The following MOSMO variants were observed in gnomAD, a reference collection of about 807,000 sequenced individuals.
The protein encoded by MOSMO is modulator of smoothened protein.
Under a neutral mutation model 18.4 loss-of-function variants are expected in MOSMO, and 5 were observed. The observed-to-expected ratio is 0.27, with a 90% CI of 0.14 to 0.57. MOSMO has a LOEUF of 0.57. Ranked by LOEUF, MOSMO falls within the 20% of genes least tolerant of loss-of-function variation. The probability of loss-of-function intolerance (pLI) is 0.92; values close to 1 mark genes in which losing one functional copy is unlikely to be tolerated. For synonymous variants in MOSMO, 82 were observed against 82.3 expected (o/e 1.00, Z 0.02); for missense variants, 138 against 211.8 (o/e 0.65, Z 2.16).
intron 1 of MOSMO, among the ~76,000 whole-genome samples, chr16:22,042,861 G>A (rs1203329260): frequency 2.6e-5 from 4 of 152,176 alleles, no homozygotes; most frequent in Admixed American, 6.5e-5. Flanking sequence ...GATAGATAAC[G>A]GAATCTCCCC....
chr16:22,056,246 CTT>C (rs1900530552), intron 1 of MOSMO, among the ~76,000 whole-genome samples: 1 of 151,788 alleles, frequency 6.6e-6, no homozygotes, highest in African/African-American at 2.4e-5. Flanking sequence ...ACAAATATAA[CTT>C]ATATTCTAGG....
At chr16:22,054,988 T>A (rs1900503796) in intron 1 of MOSMO, among the ~76,000 whole-genome samples, 1 of 152,062 alleles carries the variant, frequency 6.6e-6, no homozygotes. Flanking sequence ...TTACATTTAT[T>A]ATGTCTGGTA....
At position 22,045,180 on chromosome 16, in the gene MOSMO, G is replaced by T. The variant is rs117808808; in HGVS notation, c.107-30307G>T. Among the ~76,000 whole-genome samples, 143 of 148,142 alleles carry T rather than the reference G, an allele frequency of 9.7e-4. 1 individual carries two copies. In the East Asian group the frequency reaches 0.022, roughly 22 times the overall value. ...AGCCTGGGCAATAGAACCAGACATT[G>T]TCTCAAAAAAAAAAAAAAGGCAATA... On this transcript the variant is annotated intron_variant, in intron 1 of 2. Transcript: ENST00000542527.
At chr16:22,027,699 A>G (rs986208588) in intron 1 of MOSMO, among the ~76,000 whole-genome samples, 3 of 152,204 alleles carry the variant, frequency 2.0e-5, no homozygotes, top group Admixed American at 1.3e-4. Context: ...TTAGGACAAA[A>G]ATAGATTTTT....
intron 1 of MOSMO, among the ~76,000 whole-genome samples, chr16:22,041,027 G>C (rs917789367): frequency 1.3e-5 from 2 of 152,184 alleles, no homozygotes; most frequent in African/African-American, 4.8e-5. Context: ...AGGAAGGGAA[G>C]AGATAGCTAC....
intron 1 of MOSMO, among the ~76,000 whole-genome samples, chr16:22,027,770 C>T (rs1257289785): frequency 6.6e-6 from 1 of 152,146 alleles, no homozygotes; most frequent in Non-Finnish European, 1.5e-5. Context: ...TAAACACCTA[C>T]TCTACTTGTG....
chr16:22,084,731 C>T (rs1901140150), downstream of MOSMO: 1 of 152,162 alleles, frequency 6.6e-6, no homozygotes, highest in African/African-American at 2.4e-5. Context: ...ACAAGTGCCA[C>T]TTCCATGCCT....
chr16:22,038,706 T>C (rs865992455), intron 1 of MOSMO, among the ~76,000 whole-genome samples: 6 of 152,182 alleles, frequency 3.9e-5, no homozygotes, highest in African/African-American at 9.7e-5. Flanking sequence ...GAAAAGCTAC[T>C]GTACAGAATA....
intron 2 of MOSMO, among the ~76,000 whole-genome samples, chr16:22,080,411 A>G (rs1901055979): frequency 6.6e-6 from 1 of 152,202 alleles, no homozygotes; most frequent in African/African-American, 2.4e-5. Flanking sequence ...GTAAATGGCT[A>G]GGAATCGTAT....
At chr16:22,050,510 C>A (rs1900401218) in intron 1 of MOSMO, among the ~76,000 whole-genome samples, 1 of 152,122 alleles carries the variant, frequency 6.6e-6, no homozygotes, top group African/African-American at 2.4e-5. Context: ...GTGCTACTGA[C>A]TTCTAGTGAG....
intron 1 of MOSMO, among the ~76,000 whole-genome samples, chr16:22,069,676 G>A (rs1900810385): frequency 6.6e-6 from 1 of 152,150 alleles, no homozygotes. Flanking sequence ...AGCTTCACAA[G>A]AGCTCTATCA....
intron 1 of MOSMO, among the ~76,000 whole-genome samples, chr16:22,040,613 T>TA (rs1368850561): frequency 6.6e-6 from 1 of 152,070 alleles, no homozygotes; most frequent in East Asian, 1.9e-4. Context: ...GGGCAGTAAA[T>TA]ATCTGAATGA....
chr16:22,069,953 A>T (rs563936352), intron 1 of MOSMO, among the ~76,000 whole-genome samples: 1 of 152,310 alleles, frequency 6.6e-6, no homozygotes, highest in African/African-American at 2.4e-5. Context: ...AAAATAATGT[A>T]TTGGGCAAGA....
intron 2 of MOSMO, among the ~76,000 whole-genome samples, chr16:22,077,937 A>G (rs2141783510): frequency 6.6e-6 from 1 of 152,226 alleles, no homozygotes; most frequent in East Asian, 1.9e-4. Flanking sequence ...CCCCTGAAAA[A>G]TGTACTTTAT....
At chr16:22,030,262 A>G (rs1229970840) in intron 1 of MOSMO, among the ~76,000 whole-genome samples, 1 of 152,154 alleles carries the variant, frequency 6.6e-6, no homozygotes, top group Admixed American at 6.6e-5. Context: ...ATAGATATTC[A>G]CTGGGATCCA....
Position 22,084,634 on chromosome 16 carries a change from G to A in MOSMO, c.*3754G>A, listed in dbSNP as rs1246185609. The A allele has an allele frequency of 1.3e-5, 2 of 152,086 alleles. No homozygotes were observed. The highest frequency in any genetic ancestry group is 4.8e-5 in the African/African-American group (2 of 41,412). The allele number at this position is 152,086 out of a possible 1,614,324, so 9.4% of individuals were successfully genotyped here. A position where few individuals can be genotyped will look rare whatever the true frequency, so the allele number is the denominator to read the frequency against. On this transcript the variant is annotated 3_prime_UTR_variant, in exon 3 of 3. Transcript: ENST00000542527. The stretch of plus-strand genomic sequence containing the variant: ...TTGAGCAAGTTTATCAAAATAAATT[G>A]TCTACTAAAGAAACTAAAAAGGCTT...
downstream of MOSMO, chr16:22,090,218 T>G (rs1901273521): frequency 6.6e-6 from 1 of 152,222 alleles, no homozygotes; most frequent in Non-Finnish European, 1.5e-5. Flanking sequence ...CTGAAGAGCC[T>G]CCTGATCAAG....
At chr16:22,090,210 G>A (rs1901273006), downstream of MOSMO, 1 of 152,218 alleles carries the variant, frequency 6.6e-6, no homozygotes, top group Non-Finnish European at 1.5e-5. Flanking sequence ...AGCCACACCT[G>A]AAGAGCCTCC....
chr16:22,041,498 G>A (rs1900208828), intron 1 of MOSMO, among the ~76,000 whole-genome samples: 1 of 152,098 alleles, frequency 6.6e-6, no homozygotes, highest in Admixed American at 6.6e-5. Flanking sequence ...CCCCCAACCT[G>A]CACCCAGGTT....
Sources: allele counts gnomAD v4.1 joint callset (sites outside exome capture counted in the v4.1 genomes callset), GRCh38; gene constraint gnomAD v4.1.1; transcripts MANE v1.5; gene names NCBI Gene and HGNC (gene_info 2026-07-23, HGNC 2026-07-21).